Variants in CADM2 observed in about 807,000 individuals in gnomAD.
CADM2 encodes immunoglobulin superfamily member 4D.
A neutral mutation model predicts 49.8 loss-of-function variants in CADM2; 12 were observed. The ratio of observed to expected loss-of-function variants is 0.24; its 90% CI spans 0.15 to 0.39. The LOEUF (loss-of-function observed/expected upper bound fraction) is 0.39, where lower values mean the gene tolerates loss of function less well. Ranked by LOEUF, CADM2 falls within the 10% of genes least tolerant of loss-of-function variation. The pLI is 1.00. For synonymous variants in CADM2, 214 were observed against 175.4 expected (o/e 1.22, Z -1.74); for missense variants, 378 against 492.3 (o/e 0.77, Z 2.20).
At chr3:85,070,988 C>CGATAAATA (rs2036715807) in intron 1 of CADM2, among the ~76,000 whole-genome samples, 1 of 143,306 alleles carries the variant, frequency 7.0e-6, no homozygotes, top group African/African-American at 2.6e-5. Flanking sequence ...AACTCTGTCT[C>CGATAAATA]AATAAATAAA....
At chr3:85,740,217 A>G (rs554196974) in intron 2 of CADM2, among the ~76,000 whole-genome samples, 1 of 152,196 alleles carries the variant, frequency 6.6e-6, no homozygotes, top group Middle Eastern at 3.2e-3. Flanking sequence ...ATATCTGTAC[A>G]CAGAGTGTAC....
intron 3 of CADM2, among the ~76,000 whole-genome samples, chr3:85,812,770 A>C (rs1448172999): frequency 6.6e-6 from 1 of 152,150 alleles, no homozygotes; most frequent in East Asian, 1.9e-4. Context: ...TCCTTGTTCA[A>C]CTACCACTTA....
intron 8 of CADM2, among the ~76,000 whole-genome samples, chr3:85,972,899 A>G (rs1279251163): frequency 6.6e-6 from 1 of 151,728 alleles, no homozygotes; most frequent in African/African-American, 2.4e-5. Context: ...ATATAAAGAA[A>G]AGGACACTTT....
intron 1 of CADM2, among the ~76,000 whole-genome samples, chr3:85,464,343 A>C (rs1339614419): frequency 6.6e-6 from 1 of 152,210 alleles, no homozygotes; most frequent in Non-Finnish European, 1.5e-5. Flanking sequence ...CTTTGCTTAG[A>C]GACATTTAAT....
At chr3:85,236,153 C>T (rs1367812251) in intron 1 of CADM2, among the ~76,000 whole-genome samples, 1 of 152,050 alleles carries the variant, frequency 6.6e-6, no homozygotes, top group African/African-American at 2.4e-5. Context: ...GCAAAACATC[C>T]ATCCGTGCAC....
At chr3:85,141,971 C>T (rs2039591059) in intron 1 of CADM2, among the ~76,000 whole-genome samples, 3 of 152,232 alleles carry the variant, frequency 2.0e-5, no homozygotes, top group Admixed American at 2.0e-4. Flanking sequence ...ATTCAGGAAT[C>T]CAAGCTAATG....
At chr3:85,350,801 C>T (rs565929778) in intron 1 of CADM2, among the ~76,000 whole-genome samples, 6 of 152,056 alleles carry the variant, frequency 3.9e-5, no homozygotes, top group South Asian at 2.1e-4. Context: ...GTAATTCTTC[C>T]GCTACATATC....
At chr3:85,377,861 C>T (rs973371161) in intron 1 of CADM2, among the ~76,000 whole-genome samples, 3 of 151,876 alleles carry the variant, frequency 2.0e-5, no homozygotes, top group African/African-American at 7.3e-5. Flanking sequence ...GGGAGCGATG[C>T]GAATTACCAT....
At chr3:85,654,944 T>A (rs531931345) in intron 1 of CADM2, among the ~76,000 whole-genome samples, 15 of 152,322 alleles carry the variant, frequency 9.8e-5, no homozygotes, top group South Asian at 8.3e-4. Context: ...AAAACTTAGA[T>A]ATAATTAATT....
intron 7 of CADM2, among the ~76,000 whole-genome samples, chr3:85,939,715 T>C (rs1721622893): frequency 6.6e-6 from 1 of 151,158 alleles, no homozygotes. Flanking sequence ...TATTGATAAG[T>C]TTTTCTATGT....
At chr3:85,089,070 G>C (rs1283689193) in intron 1 of CADM2, among the ~76,000 whole-genome samples, 1 of 152,000 alleles carries the variant, frequency 6.6e-6, no homozygotes, top group Non-Finnish European at 1.5e-5. Context: ...TCTTAAAGCT[G>C]AATAACTTTT....
chr3:85,199,699 G>A (rs1182681973), intron 1 of CADM2, among the ~76,000 whole-genome samples: 2 of 151,872 alleles, frequency 1.3e-5, no homozygotes, highest in Non-Finnish European at 2.9e-5. Flanking sequence ...AGATTTAATT[G>A]TTTGGATAAA....
chr3:85,673,690 G>A (rs2065813272), intron 1 of CADM2, among the ~76,000 whole-genome samples: 1 of 151,880 alleles, frequency 6.6e-6, no homozygotes, highest in African/African-American at 2.4e-5. Context: ...GGGAGAGAAA[G>A]AAAGAAGTAA....
intron 1 of CADM2, among the ~76,000 whole-genome samples, chr3:85,562,511 G>T (rs2062126550): frequency 7.1e-6 from 1 of 141,458 alleles, no homozygotes. Context: ...AAAAGACCTA[G>T]TTCTAATGAG....
chr3:85,682,599 T>G, intron 1 of CADM2, among the ~76,000 whole-genome samples: 1 of 152,204 alleles, frequency 6.6e-6, no homozygotes, highest in Middle Eastern at 3.4e-3. Flanking sequence ...TATAAATTAT[T>G]AAATAATTTA....
At chr3:85,940,362 T>G (rs1721746103) in intron 7 of CADM2, among the ~76,000 whole-genome samples, 1 of 151,334 alleles carries the variant, frequency 6.6e-6, no homozygotes, top group South Asian at 2.1e-4. Flanking sequence ...GCAAAACAGT[T>G]TTATATAAAG....
At chr3:85,184,823 T>C (rs2041017038) in intron 1 of CADM2, among the ~76,000 whole-genome samples, 2 of 152,084 alleles carry the variant, frequency 1.3e-5, no homozygotes, top group African/African-American at 2.4e-5. Context: ...GTCTAGAAAA[T>C]AGAATTTGTC....
intron 1 of CADM2, among the ~76,000 whole-genome samples, chr3:85,492,194 A>C (rs1035194345): frequency 2.6e-5 from 4 of 152,176 alleles, no homozygotes; most frequent in Admixed American, 1.3e-4. Context: ...TAAAATCCTG[A>C]GTTATTTAAC....
chr3:85,724,740 G>A (rs1390881543), intron 1 of CADM2, among the ~76,000 whole-genome samples: 2 of 151,604 alleles, frequency 1.3e-5, no homozygotes, highest in South Asian at 2.1e-4. Flanking sequence ...GAAATTGCTG[G>A]CATTGATTAT....
Sources: gnomAD v4.1 joint callset for allele counts (sites outside exome capture counted in the v4.1 genomes callset) on GRCh38, gnomAD v4.1.1 for gene constraint, MANE v1.5 for transcripts, NCBI Gene and HGNC (gene_info 2026-07-23, HGNC 2026-07-21) for gene names.